STK35: variants seen among roughly 807,000 people sequenced by gnomAD.
The protein encoded by STK35 is serine/threonine kinase 35.
A neutral mutation model predicts 37.3 loss-of-function variants in STK35; 17 were observed. The ratio of observed to expected loss-of-function variants is 0.46; its 90% CI spans 0.31 to 0.68. The LOEUF is 0.68. STK35 is among the 30% of genes least tolerant of loss of function. The probability of loss-of-function intolerance (pLI) is 0.05; values close to 1 mark genes in which losing one functional copy is unlikely to be tolerated. For missense variants in STK35, 595 were observed against 746.7 expected, an observed-to-expected ratio of 0.80 and a Z score of 2.37; for synonymous variants, 385 against 319.1, an observed-to-expected ratio of 1.21 and a Z score of -2.20.
intron 3 of STK35, among the ~76,000 whole-genome samples, chr20:2,131,040 T>C (rs1326609240): frequency 1.3e-5 from 2 of 152,230 alleles, no homozygotes; most frequent in African/African-American, 4.8e-5. Context: ...ATTCACTATA[T>C]ACTCATGCGT....
chr20:2,134,445 G>A (rs997981990), intron 3 of STK35, among the ~76,000 whole-genome samples: 1 of 152,154 alleles, frequency 6.6e-6, no homozygotes, highest in African/African-American at 2.4e-5. Flanking sequence ...CGTCTCACCT[G>A]TGCTGGGGGT....
chr20:2,115,834 T>C (rs1379117713), intron 2 of STK35, among the ~76,000 whole-genome samples: 2 of 151,314 alleles, frequency 1.3e-5, no homozygotes, highest in African/African-American at 4.9e-5. Context: ...ATCTACTGCC[T>C]GCCTTTTACA....
chr20:2,127,266 T>C (rs566200007), intron 3 of STK35, among the ~76,000 whole-genome samples: 69 of 152,214 alleles, frequency 4.5e-4, no homozygotes, highest in African/African-American at 1.6e-3. Context: ...GTTTTTTTTT[T>C]TCTACTTTTT....
chr20:2,107,760 T>A (rs1985543717), intron 2 of STK35, among the ~76,000 whole-genome samples: 2 of 152,096 alleles, frequency 1.3e-5, no homozygotes, highest in African/African-American at 4.8e-5. Context: ...GGCCGTTCCC[T>A]CCCCAGCCCT....
intron 3 of STK35, among the ~76,000 whole-genome samples, chr20:2,123,777 C>T (rs1474672838): frequency 1.3e-5 from 2 of 152,184 alleles, no homozygotes; most frequent in Non-Finnish European, 2.9e-5. Context: ...AATAGGTCCA[C>T]TCTATGACTT....
intron 2 of STK35, among the ~76,000 whole-genome samples, chr20:2,110,452 A>T (rs1252388434): frequency 6.6e-6 from 1 of 152,238 alleles, no homozygotes; most frequent in East Asian, 1.9e-4. Context: ...GTATTACCAT[A>T]GTTAACTGTT....
rs146335725 is a variant in STK35 at position 2,145,218 on chromosome 20, A to T, written c.*1472A>T. On this transcript the variant is annotated 3_prime_UTR_variant, in exon 4 of 4. Coordinates refer to ENST00000381482, the MANE Select transcript of STK35 (RefSeq NM_080836.4). ...CTGTTCTCCCCCTGCAAGAAGGGGC[A>T]ATGCTCTTGTGTTGTCCCTCTGTCT... 9.8e-5 allele frequency: 15 copies of T among 152,472 alleles called. No homozygotes were observed. In the East Asian group the frequency reaches 1.5e-3, roughly 16 times the overall value. The allele number at this position is 152,472 out of a possible 1,614,324, so 9.4% of individuals were successfully genotyped here.
intron 3 of STK35, among the ~76,000 whole-genome samples, chr20:2,128,178 A>G (rs1985938945): frequency 6.6e-6 from 1 of 152,184 alleles, no homozygotes. Context: ...TCTCCAGGTG[A>G]TGGCTGATGA....
chr20:2,130,309 A>AATG (rs758092815), intron 3 of STK35, among the ~76,000 whole-genome samples: 5 of 152,130 alleles, frequency 3.3e-5, no homozygotes. Context: ...ACAGGCACAG[A>AATG]ATGGTCCCTT....
At chr20:2,111,848 C>T (rs1460526933) in intron 2 of STK35, among the ~76,000 whole-genome samples, 1 of 152,210 alleles carries the variant, frequency 6.6e-6, no homozygotes, top group African/African-American at 2.4e-5. Flanking sequence ...CCCTGGCGCA[C>T]ACCCACCTGC....
At position 2,144,252 on chromosome 20, in the gene STK35, G is replaced by A. The variant is rs965938084; in HGVS notation, c.*506G>A. 2.1e-5 allele frequency: 5 copies of A among 243,156 alleles called. No individual in the cohort carries two copies. Among genetic ancestry groups the A allele is most frequent in the African/African-American group, 7.2e-5 (3 of 41,946 alleles). 15.1% of individuals were successfully genotyped at this position (243,156 alleles called of 1,614,324 possible). On this transcript the variant is annotated 3_prime_UTR_variant, in exon 4 of 4. Transcript: ENST00000381482. ...GGAATCTGGGGGTTTCTTCTGGAAC[G>A]GGGCGTGAGGACACAAGGAGGCCTC...
chr20:2,126,233 G>C (rs185844972), intron 3 of STK35, among the ~76,000 whole-genome samples: 1 of 152,322 alleles, frequency 6.6e-6, no homozygotes, highest in Admixed American at 6.5e-5. Context: ...GTAGGCACTT[G>C]CCCAGTGGAG....
chr20:2,101,959 C>T lies in STK35; in HGVS notation c.78C>T (p.Leu26=), dbSNP rs1327620725. The change falls in exon 1 of 4, where the codon CTC becomes CTT. Residue 26 remains leucine (L), a synonymous_variant. Transcript: ENST00000381482. ...AAYVKRLCKG[L]SWREHVESHG... ...ATGTAAAGAGGTTATGTAAAGGGCT[C>T]AGCTGGCGCGAACACGTGGAAAGCC... is the stretch of plus-strand genomic sequence containing the variant. The T allele has an allele frequency of 2.0e-6, 3 of 1,522,386 alleles. No homozygotes were observed. Among genetic ancestry groups the T allele is most frequent in the Admixed American group, 4.0e-5 (2 of 50,528 alleles). The allele number at this position is 1,522,386 out of a possible 1,614,324, so 94.3% of individuals were successfully genotyped here.
intron 3 of STK35, among the ~76,000 whole-genome samples, chr20:2,121,358 A>G (rs1430810434): frequency 6.6e-6 from 1 of 152,218 alleles, no homozygotes; most frequent in African/African-American, 2.4e-5. Context: ...AGTCAGAGCC[A>G]GCAGGATTTC....
chr20:2,134,362 A>G (rs578173266), intron 3 of STK35, among the ~76,000 whole-genome samples: 1 of 151,784 alleles, frequency 6.6e-6, no homozygotes, highest in African/African-American at 2.4e-5. Context: ...GCTCTGGTGC[A>G]TTGAGCTGAA....
In STK35 at chr20:2,103,148, G is replaced by T. The variant is rs769928626; in HGVS notation, c.675G>T (p.Gly225=). ...VVYEAVAGRS[G]ARVAVKKIRC... ...ATGAGGCAGTGGCCGGGCGCAGCGG[G>T]GCCCGGGTGGCGGTCAAGAAGATCC... Residue 225 remains glycine, a synonymous_variant, in exon 2 of 4, where the codon GGG becomes GGT. Coordinates refer to ENST00000381482, the MANE Select transcript of STK35 (RefSeq NM_080836.4). 1.3e-5 allele frequency: 21 copies of T among 1,605,652 alleles called. No homozygotes were observed. In the Admixed American group the frequency reaches 3.3e-4, roughly 26 times the overall value.
intron 3 of STK35, among the ~76,000 whole-genome samples, chr20:2,133,420 G>A (rs1986032448): frequency 6.6e-6 from 1 of 152,224 alleles, no homozygotes; most frequent in Non-Finnish European, 1.5e-5. Flanking sequence ...TTAATAAGTT[G>A]AGGAGGGGAA....
rs1985736682 is a variant in STK35, at chr20:2,117,467, A to C, written c.*37+52A>C. ...GTTTTTTGTTTTGAGACAGGGTCTC[A>C]CTCTGTTGGTCAGGCTGGGGTGCAG... On this transcript the variant is annotated intron_variant, in intron 3 of 3. Transcript: ENST00000381482. This position sits in a 1 kb window ranked among gnomAD's most constrained non-coding sequence, Gnocchi z 4.4. The C allele has an allele frequency of 5.5e-6, 6 of 1,088,166 alleles. No individual in the cohort carries two copies. In the South Asian group the frequency reaches 9.7e-5, roughly 18 times the overall value. The allele number at this position is 1,088,166 out of a possible 1,614,324, so 67.4% of individuals were successfully genotyped here.
At chr20:2,138,470 C>T (rs1255576079) in intron 3 of STK35, among the ~76,000 whole-genome samples, 1 of 152,102 alleles carries the variant, frequency 6.6e-6, no homozygotes, top group Non-Finnish European at 1.5e-5. Context: ...AGTTCCATGC[C>T]CATTTTCTAG....
Sources: allele counts gnomAD v4.1 joint callset (sites outside exome capture counted in the v4.1 genomes callset), GRCh38; gene constraint gnomAD v4.1.1; non-coding constraint Gnocchi (gnomAD v3.1); transcripts MANE v1.5; gene names NCBI Gene and HGNC (gene_info 2026-07-23, HGNC 2026-07-21).